The following HMCN2 variants were observed in gnomAD, a reference collection of about 807,000 sequenced individuals.
HMCN2 encodes hemicentin-2.
HMCN2 carries 325 observed loss-of-function variants against 377.5 expected under a neutral mutation model. The observed-to-expected ratio is 0.86, with a 90% confidence interval of 0.79 to 0.94. The LOEUF (loss-of-function observed/expected upper bound fraction) is 0.94, where lower values mean the gene tolerates loss of function less well. HMCN2 is among the 40% of genes least tolerant of loss of function. The pLI is 0.00. For missense variants in HMCN2, 4,543 were observed against 4,725.3 expected (o/e 0.96, Z 1.13); for synonymous variants, 2,007 against 2,046.8 (o/e 0.98, Z 0.53).
chr9:130,350,898 G>C (rs1839678382), intron 29 of HMCN2, among the ~76,000 whole-genome samples: 1 of 151,944 alleles, frequency 6.6e-6, no homozygotes, highest in South Asian at 2.1e-4. Context: ...GCAAGACTCA[G>C]TCTCAAGGAA....
At chr9:130,400,606 C>T (rs1414904293) in intron 76 of HMCN2, 177 bp from the exon 77 acceptor site, 1 of 256,674 alleles carries the variant, frequency 3.9e-6, no homozygotes, top group Admixed American at 5.5e-5. Context: ...AAAACTATAG[C>T]CCCGTGCCCA....
intron 57 of HMCN2, among the ~76,000 whole-genome samples, chr9:130,383,864 G>T (rs1445614228): frequency 6.6e-6 from 1 of 152,334 alleles, no homozygotes; most frequent in Non-Finnish European, 1.5e-5. Flanking sequence ...CTGACACGAG[G>T]CTGAGCACTT....
chr9:130,430,275 C>T lies in HMCN2; in HGVS notation c.14327-9C>T, dbSNP rs1261373530. On this transcript the variant is annotated splice_polypyrimidine_tract_variant and intron_variant, in intron 94 of 97. Transcript: ENST00000683500. The stretch of plus-strand genomic sequence containing the variant: ...ACCTGTGCACACACCTGACCCCACC[C>T]GTCTGCAGATGTCAATGAGTGCCTG... 2.6e-6 allele frequency: 4 copies of T among 1,530,912 alleles called. No homozygotes were observed. Among genetic ancestry groups the T allele is most frequent in the East Asian group, 2.5e-5 (1 of 40,746 alleles). The allele number at this position is 1,530,912 out of a possible 1,614,324, so 94.8% of individuals were successfully genotyped here. A position where few individuals can be genotyped will look rare whatever the true frequency, so the allele number is the denominator to read the frequency against.
In HMCN2 at chr9:130,282,255, G is replaced by T. The variant is rs541422212; in HGVS notation, c.260-2348G>T. 1.9e-3 allele frequency among the ~76,000 whole-genome samples: 283 copies of T among 152,320 alleles called. 1 individual carries two copies. The highest frequency in any genetic ancestry group is 3.6e-3 in the Non-Finnish European group (246 of 68,028). ...GAGCCTTTGCTCCATGCCAAGCTGC[G>T]TGCTAAGCTCTGTGCCAGGGGTTTA... On this transcript the variant is annotated intron_variant, in intron 1 of 97. Coordinates refer to ENST00000683500, the MANE Select transcript of HMCN2 (RefSeq NM_001291815.2).
chr9:130,403,360 G>A (rs1842943381), intron 79 of HMCN2, 32 bp downstream of exon 79: 2 of 1,288,976 alleles, frequency 1.6e-6, no homozygotes, highest in South Asian at 1.2e-5. Context: ...CCTGGGAAGG[G>A]AAGAGAAGAG....
At position 130,311,806 on chromosome 9, in the gene HMCN2, C is replaced by T. The variant is rs1034465775; in HGVS notation, c.2350+1745C>T. Among the ~76,000 whole-genome samples the T allele has an allele frequency of 2.7e-3, 418 of 152,200 alleles. 2 individuals carry two copies. Among genetic ancestry groups the T allele is most frequent in the African/African-American group, 9.0e-3 (375 of 41,536 alleles). On this transcript the variant is annotated intron_variant, in intron 15 of 97. Coordinates refer to ENST00000683500, the MANE Select transcript of HMCN2 (RefSeq NM_001291815.2). ...CTGCCACCTGGTACCAGTCACTCCC[C>T]GCCTGGGGAGCTGCGGAGGAGTTTG...
At chr9:130,359,214 A>G (rs1005025833) in intron 36 of HMCN2, 105 bp from the exon 37 acceptor site, 2 of 494,208 alleles carry the variant, frequency 4.0e-6, no homozygotes, top group Admixed American at 6.4e-5. Context: ...CCCTTAGTCT[A>G]GGATTTTCTA....
intron 22 of HMCN2, among the ~76,000 whole-genome samples, chr9:130,330,657 C>T (rs1838378378): frequency 1.3e-5 from 2 of 152,114 alleles, no homozygotes; most frequent in Admixed American, 6.5e-5. Flanking sequence ...CCTCAGAAGC[C>T]GTGAAGTTCT....
chr9:130,398,697 G>C lies in HMCN2; in HGVS notation c.11473G>C (p.Gly3825Arg). ...GAAGCTGGACTTCCGCCTGCAGCAGGGCGCCTACCGGTAACGAGCTGGACT... is the reference window on the plus strand; with the variant it reads ...GAAGCTGGACTTCCGCCTGCAGCAGCGCGCCTACCGGTAACGAGCTGGACT... ...GQKLDFRLQQ[G>R]AYRLLPSNAL... The change falls in exon 75 of 98, where the codon GGC (glycine) becomes CGC (arginine). Residue 3825 changes from glycine to arginine, a missense_variant. Transcript: ENST00000683500. The C allele has an allele frequency of 7.8e-7, 1 of 1,289,406 alleles. No homozygotes were observed. The highest frequency in any genetic ancestry group is 1.0e-6 in the Non-Finnish European group (1 of 988,576). The allele number at this position is 1,289,406 out of a possible 1,614,324, so 79.9% of individuals were successfully genotyped here.
intron 1 of HMCN2, among the ~76,000 whole-genome samples, chr9:130,266,509 T>C (rs782164767): frequency 9.2e-5 from 14 of 152,244 alleles, no homozygotes; most frequent in Non-Finnish European, 1.6e-4. Context: ...CTCGAGGACT[T>C]GGGACGCTAC....
chr9:130,403,768 G>T lies in HMCN2; in HGVS notation c.12041G>T (p.Gly4014Val). 7.8e-7 allele frequency: 1 copy of T among 1,289,864 alleles called. No homozygotes were observed. Among genetic ancestry groups the T allele is most frequent in the Non-Finnish European group, 1.0e-6 (1 of 988,870 alleles). The allele number at this position is 1,289,864 out of a possible 1,614,324, so 79.9% of individuals were successfully genotyped here. A position where few individuals can be genotyped will look rare whatever the true frequency, so the allele number is the denominator to read the frequency against. Reference sequence around the variant, plus strand: ...GTGAGTACCCAGGTCCTACCAGGCGGACAGCTGCGGATTGCCCATGCCAGC... The same window carrying T: ...GTGAGTACCCAGGTCCTACCAGGCGTACAGCTGCGGATTGCCCATGCCAGC... ...TGVSTQVLPG[G>V]QLRIAHASPE... Residue 4014 changes from glycine to valine, a missense_variant, in exon 80 of 98, where the codon GGA (glycine) becomes GTA (valine). Transcript: ENST00000683500.
At chr9:130,291,299 T>G (rs1355014945) in intron 4 of HMCN2, among the ~76,000 whole-genome samples, 1 of 152,206 alleles carries the variant, frequency 6.6e-6, no homozygotes, top group East Asian at 1.9e-4. Context: ...AAACTCTGCC[T>G]CCTGGGTTCA....
chr9:130,431,698 G>A (rs1203321525), intron 96 of HMCN2, among the ~76,000 whole-genome samples: 1 of 152,214 alleles, frequency 6.6e-6, no homozygotes, highest in Non-Finnish European at 1.5e-5. Flanking sequence ...GGAGCTCTGA[G>A]ATCACGCGGG....
chr9:130,376,536 G>T lies in HMCN2; in HGVS notation c.7939G>T (p.Asp2647Tyr). Residue 2647 changes from aspartate to tyrosine, a missense_variant, in exon 52 of 98, where the codon GAC becomes TAC. This residue lies in a region of HMCN2 where 736 missense variants were observed against 773.2 expected (regional missense o/e 0.95). Transcript: ENST00000683500. ...EVLIPPSISK[D>Y]DPLAEVGVKE... ...TTCAGTCCCCCCTTCCATCTCCAAA[G>T]ACGACCCCTTGGCGGAGGTCGGCGT... 7.1e-6 allele frequency: 7 copies of T among 985,850 alleles called. No homozygotes were observed. The highest frequency in any genetic ancestry group is 8.4e-6 in the Non-Finnish European group (7 of 829,996). The allele number at this position is 985,850 out of a possible 1,614,324, so 61.1% of individuals were successfully genotyped here. A position where few individuals can be genotyped will look rare whatever the true frequency, so the allele number is the denominator to read the frequency against.
At chr9:130,279,242 A>C (rs562776579) in intron 1 of HMCN2, among the ~76,000 whole-genome samples, 265 of 151,742 alleles carry the variant, frequency 1.7e-3, no homozygotes, top group African/African-American at 6.1e-3. Context: ...TATCCAGTCA[A>C]CTCTTGCCCC....
chr9:130,411,144 G>T (rs1017780404), intron 85 of HMCN2, among the ~76,000 whole-genome samples: 1 of 151,570 alleles, frequency 6.6e-6, no homozygotes, highest in African/African-American at 2.4e-5. Flanking sequence ...CCGGCTCCCA[G>T]CCTCCAGCAT....
intron 1 of HMCN2, among the ~76,000 whole-genome samples, chr9:130,270,269 G>A (rs1410756524): frequency 5.3e-5 from 7 of 132,718 alleles, no homozygotes; most frequent in African/African-American, 8.1e-5. Context: ...TGCTTATAAA[G>A]GTTTTTTTTG....
chr9:130,401,402 C>A (rs112333002), intron 77 of HMCN2, among the ~76,000 whole-genome samples: 2,548 of 152,264 alleles, frequency 0.017, 78 homozygotes, highest in African/African-American at 0.057. Flanking sequence ...CCGCTCACTG[C>A]AGCCTCCACC....
In HMCN2 at chr9:130,363,003, C is replaced by T; in HGVS notation, c.6232+13C>T. On this transcript the variant is annotated intron_variant, in intron 40 of 97. Transcript: ENST00000683500. ...CTGCAAGTCCACAGTGAGTCTCAGA[C>T]TGGGAAAGCCATGTGGTTCAGAGCA... 1 of 985,930 alleles carries T rather than the reference C, an allele frequency of 1.0e-6. No homozygotes were observed. The highest frequency in any genetic ancestry group is 1.2e-6 in the Non-Finnish European group (1 of 830,012). 61.1% of individuals were successfully genotyped at this position (985,930 alleles called of 1,614,324 possible).
Sources: gnomAD v4.1 joint callset for allele counts (sites outside exome capture counted in the v4.1 genomes callset) on GRCh38, gnomAD v4.1.1 for gene constraint, gnomAD v4.1.1 regional missense constraint, MANE v1.5 for transcripts, NCBI Gene and HGNC (gene_info 2026-07-23, HGNC 2026-07-21) for gene names.